The following CPEB3 variants were observed in gnomAD, a reference collection of about 807,000 sequenced individuals.
CPEB3 encodes the protein cytoplasmic polyadenylation element-binding protein 3.
A neutral mutation model predicts 67.2 loss-of-function variants in CPEB3; 20 were observed. That is an observed-to-expected ratio of 0.30 (90% confidence interval 0.21 to 0.43). CPEB3 has a LOEUF of 0.43. Among genes scored for constraint, CPEB3 ranks in the 20% least tolerant of loss-of-function variants. CPEB3 has a pLI of 1.00. For synonymous variants in CPEB3, 376 were observed against 393.1 expected, an observed-to-expected ratio of 0.96 and a Z score of 0.51; for missense variants, 746 against 968.6, an observed-to-expected ratio of 0.77 and a Z score of 3.05.
chr10:92,280,329 G>A (rs1307290013), intron 1 of CPEB3, among the ~76,000 whole-genome samples: 2 of 83,936 alleles, frequency 2.4e-5, no homozygotes, highest in Non-Finnish European at 4.2e-5. Flanking sequence ...GGCAACAAGA[G>A]CAAAACTCCA....
intron 2 of CPEB3, among the ~76,000 whole-genome samples, chr10:92,215,193 C>A (rs1320911579): frequency 6.7e-6 from 1 of 149,322 alleles, no homozygotes; most frequent in Non-Finnish European, 1.5e-5. Flanking sequence ...CACTCTGTTG[C>A]CCGGGCTAGA....
chr10:92,205,499 C>A (rs897239232), intron 2 of CPEB3, among the ~76,000 whole-genome samples: 5 of 104,676 alleles, frequency 4.8e-5, no homozygotes, highest in South Asian at 3.2e-4. Flanking sequence ...TTTTTTGAGA[C>A]GGAGTCTCAC....
At chr10:92,224,360 T>C (rs1382536357) in intron 2 of CPEB3, among the ~76,000 whole-genome samples, 1 of 152,214 alleles carries the variant, frequency 6.6e-6, no homozygotes, top group East Asian at 1.9e-4. Flanking sequence ...ACAATAGCTA[T>C]GTTTCTCAGC....
At chr10:92,193,383 T>C (rs1849074571) in intron 2 of CPEB3, among the ~76,000 whole-genome samples, 1 of 152,178 alleles carries the variant, frequency 6.6e-6, no homozygotes, top group Admixed American at 6.5e-5. Context: ...TAATTGGTTT[T>C]GCTCTCTACC....
rs762748739 is a variant in CPEB3 at position 92,239,836 on chromosome 10, G to A, written c.515C>T (p.Ala172Val). 8.7e-6 allele frequency: 13 copies of A among 1,492,430 alleles called. No individual in the cohort carries two copies. Among genetic ancestry groups the A allele is most frequent in the Non-Finnish European group, 8.9e-6 (10 of 1,122,032 alleles). The allele number at this position is 1,492,430 out of a possible 1,614,324, so 92.4% of individuals were successfully genotyped here. The change falls in exon 2 of 10, where the codon GCG becomes GTG. Residue 172 changes from alanine to valine, a missense_variant. Ala to Val is a moderately conservative substitution (Grantham distance 64). This residue lies in a region of CPEB3 where 643 missense variants were observed against 717.5 expected (regional missense o/e 0.90). Coordinates refer to ENST00000265997, the MANE Select transcript of CPEB3 (RefSeq NM_014912.5). The surrounding 1 kb of genome is among the most constrained non-coding windows in gnomAD (Gnocchi z 6.0). Reference protein sequence around the residue: ...HHQQPPPPAPAPQPAQPAQPP... With the variant: ...HHQQPPPPAPVPQPAQPAQPP... ...CTGCGCTGGCTGTGCCGGCTGCGGC[G>A]CGGGCGCAGGCGGCGGCGGCTGCTG...
rs1851774859 is a variant in CPEB3, at chr10:92,240,211, G to A, written c.140C>T (p.Pro47Leu). 3 of 1,510,992 alleles carry A rather than the reference G, an allele frequency of 2.0e-6. No individual in the cohort carries two copies. The highest frequency in any genetic ancestry group is 2.7e-6 in the Non-Finnish European group (3 of 1,126,956). The allele number at this position is 1,510,992 out of a possible 1,614,324, so 93.6% of individuals were successfully genotyped here. ...STPLSSETPK[P>L]EENSAVPALS... is the part of the protein sequence containing the mutation. ...GGCCGGCACTGCGCTGTTTTCCTCC[G>A]GCTTGGGGGTCTCTGAGGAGAGGGG... is the stretch of plus-strand genomic sequence containing the variant. Residue 47 changes from proline (P) to leucine (L), a missense_variant, in exon 2 of 10, where the codon CCG becomes CTG. By Grantham distance (98) the Pro-to-Leu change is moderately conservative. Around this residue, in one of 2 missense-constraint regions of CPEB3, gnomAD observed 643 missense variants for 717.5 expected, o/e 0.90. Coordinates refer to ENST00000265997, the MANE Select transcript of CPEB3 (RefSeq NM_014912.5).
At chr10:92,068,006 A>G (rs192456371) in intron 9 of CPEB3, among the ~76,000 whole-genome samples, 3 of 152,322 alleles carry the variant, frequency 2.0e-5, no homozygotes, top group Non-Finnish European at 2.9e-5. Flanking sequence ...ACAAAGGATG[A>G]GACTTACCAT....
intron 4 of CPEB3, among the ~76,000 whole-genome samples, chr10:92,157,589 A>T (rs1267529369): frequency 6.6e-6 from 1 of 152,146 alleles, no homozygotes; most frequent in African/African-American, 2.4e-5. Flanking sequence ...GAGGCTCTGA[A>T]ACTTAAGCTT....
At chr10:92,109,043 T>C (rs147779186) in intron 7 of CPEB3, among the ~76,000 whole-genome samples, 31 of 152,210 alleles carry the variant, frequency 2.0e-4, no homozygotes, top group Non-Finnish European at 3.7e-4. Flanking sequence ...CTCTAGCTTC[T>C]TAACCTGCAT....
chr10:92,199,991 T>C (rs1382484739), intron 2 of CPEB3, among the ~76,000 whole-genome samples: 4 of 152,142 alleles, frequency 2.6e-5, no homozygotes, highest in Non-Finnish European at 5.9e-5. Context: ...TGGTATATTT[T>C]ACCCATCCCA....
At chr10:92,135,785 G>A (rs1402596108) in intron 6 of CPEB3, among the ~76,000 whole-genome samples, 2 of 152,082 alleles carry the variant, frequency 1.3e-5, no homozygotes, top group African/African-American at 2.4e-5. Context: ...TGATAGACTG[G>A]ATTAAGAAAA....
At position 92,078,476 on chromosome 10, in the gene CPEB3, A is replaced by G. The variant is rs76268299; in HGVS notation, c.1869+2844T>C. 2.0e-5 allele frequency among the ~76,000 whole-genome samples: 3 copies of G among 152,002 alleles called. No homozygotes were observed. The East Asian group carries it at 5.8e-4, about 29-fold the overall frequency. ...ATGAGGACCTGAGGCTTCTGGCCTT[A>G]AGTAACTTGCTTGGACTTGACAGTG... On this transcript the variant is annotated intron_variant, in intron 9 of 9. Transcript: ENST00000265997.
chr10:92,216,563 A>G (rs1850410303), intron 2 of CPEB3: 1 of 1,612,228 alleles, frequency 6.2e-7, no homozygotes, highest in African/African-American at 1.3e-5. Context: ...AGAAAAAGGG[A>G]TCATGGTTTT....
intron 3 of CPEB3, among the ~76,000 whole-genome samples, chr10:92,183,691 T>G (rs888659144): frequency 6.6e-6 from 1 of 152,172 alleles, no homozygotes; most frequent in Non-Finnish European, 1.5e-5. Context: ...CCATCAGAAC[T>G]TAAGGAAATC....
rs1229950152 is a variant in CPEB3, at chr10:92,284,040, C to CT, written c.-12+6885dup. On this transcript the variant is annotated intron_variant, in intron 1 of 9. Coordinates refer to ENST00000265997, the MANE Select transcript of CPEB3 (RefSeq NM_014912.5). ...CTGTGCCCGGCCCAGAATGGGGTCT[C>CT]TTTTTTTTTTTTTTCCTGAGACAGA... is the stretch of plus-strand genomic sequence containing the variant. 5.5e-3 allele frequency among the ~76,000 whole-genome samples: 553 copies of CT among 99,964 alleles called. 2 individuals carry two copies. The highest frequency in any genetic ancestry group is 0.011 in the Middle Eastern group (1 of 90). 65.6% of individuals were successfully genotyped at this position (99,964 alleles called of 152,430 possible).
At chr10:92,118,712 C>A (rs1845166750) in intron 6 of CPEB3, 1 of 731,898 alleles carries the variant, frequency 1.4e-6, no homozygotes. Context: ...CCACTTTAGC[C>A]CTCAGCTCTG....
chr10:92,242,001 C>T (rs1362897262), intron 1 of CPEB3, among the ~76,000 whole-genome samples: 1 of 152,068 alleles, frequency 6.6e-6, no homozygotes, highest in African/African-American at 2.4e-5. Flanking sequence ...CTCTAGACAT[C>T]CTCATGATAA....
At chr10:92,113,728 C>T (rs1844863974) in intron 6 of CPEB3, among the ~76,000 whole-genome samples, 1 of 152,132 alleles carries the variant, frequency 6.6e-6, no homozygotes, top group Non-Finnish European at 1.5e-5. Context: ...TTGCATTGAC[C>T]TTGGGCATCC....
At chr10:92,105,208 A>G (rs1280616519) in intron 7 of CPEB3, among the ~76,000 whole-genome samples, 1 of 152,248 alleles carries the variant, frequency 6.6e-6, no homozygotes, top group Admixed American at 6.5e-5. Context: ...ACAAAACCAG[A>G]TTCGAATGGG....
Sources: gnomAD v4.1 joint callset for allele counts (sites outside exome capture counted in the v4.1 genomes callset) on GRCh38, gnomAD v4.1.1 for gene constraint, gnomAD v4.1.1 regional missense constraint, Gnocchi (gnomAD v3.1) non-coding constraint, MANE v1.5 for transcripts, NCBI Gene and HGNC (gene_info 2026-07-23, HGNC 2026-07-21) for gene names.